The following ABCA1 variants were observed in gnomAD, a reference collection of about 807,000 sequenced individuals.
ABCA1 encodes the protein ATP binding cassette subfamily A member 1, also known as phospholipid-transporting ATPase ABCA1.
In ABCA1, 133 loss-of-function variants were observed where a neutral mutation model predicts 262.5. The observed-to-expected ratio is 0.51, with a 90% CI of 0.44 to 0.59. The LOEUF is 0.59. ABCA1 is among the 20% of genes least tolerant of loss of function. The probability of loss-of-function intolerance (pLI) is 0.00; values close to 1 mark genes in which losing one functional copy is unlikely to be tolerated. For synonymous variants in ABCA1, 1,022 were observed against 1,043.5 expected (o/e 0.98, Z 0.40); for missense variants, 2,452 against 2,777.5 (o/e 0.88, Z 2.63).
At chr9:104,785,337 G>A (rs1480136637) in intron 49 of ABCA1, 59 bp downstream of exon 49, 11 of 1,606,736 alleles carry the variant, frequency 6.8e-6, no homozygotes, top group Non-Finnish European at 7.7e-6. Flanking sequence ...ATGGGCGGGA[G>A]TGTCGGGGCA....
chr9:104,799,682 G>C, intron 36 of ABCA1, 137 bp downstream of exon 36: 1 of 1,559,480 alleles, frequency 6.4e-7, no homozygotes, highest in Non-Finnish European at 8.7e-7. Context: ...TCTGCCCAGA[G>C]CCTGGATCAA....
At chr9:104,886,758 G>A (rs1839214496) in intron 3 of ABCA1, among the ~76,000 whole-genome samples, 1 of 152,204 alleles carries the variant, frequency 6.6e-6, no homozygotes, top group Non-Finnish European at 1.5e-5. Flanking sequence ...TAGGCAGTGG[G>A]TGTACAGGAA....
At chr9:104,854,942 G>A (rs1409360715) in intron 7 of ABCA1, among the ~76,000 whole-genome samples, 1 of 152,186 alleles carries the variant, frequency 6.6e-6, no homozygotes, top group African/African-American at 2.4e-5. Flanking sequence ...CAATGCATGA[G>A]TAAGATTTTT....
intron 2 of ABCA1, among the ~76,000 whole-genome samples, chr9:104,892,483 T>G (rs1260121887): frequency 6.6e-6 from 1 of 152,000 alleles, no homozygotes; most frequent in Non-Finnish European, 1.5e-5. Context: ...TCTATGAAAA[T>G]GAACTTTTCT....
chr9:104,828,760 C>T (rs1019149459), intron 15 of ABCA1, among the ~76,000 whole-genome samples, 156 bp downstream of exon 15: 2 of 152,312 alleles, frequency 1.3e-5, no homozygotes, highest in East Asian at 1.9e-4. Flanking sequence ...CTGGGCCTCA[C>T]TTTCCCCAAC....
chr9:104,806,242 T>C lies in ABCA1; in HGVS notation c.4463A>G (p.Gln1488Arg). ...PPGAGGLPPP[Q>R]RKQNTADILQ... ...AATCACCCCCTGAAAGTGACTCACTTGTGGAGGAGGCAGCCCCCCTGCCCC... is the reference window on the plus strand; with the variant it reads ...AATCACCCCCTGAAAGTGACTCACTCGTGGAGGAGGCAGCCCCCCTGCCCC... The change falls in exon 31 of 50, where the codon CAA becomes CGA. Residue 1488 changes from glutamine (Q) to arginine (R), a missense_variant and splice_region_variant. Gln to Arg is a conservative substitution (Grantham distance 43). Transcript: ENST00000374736. 1 of 1,612,740 alleles carries C rather than the reference T, an allele frequency of 6.2e-7. No homozygotes were observed. Among genetic ancestry groups the C allele is most frequent in the Non-Finnish European group, 8.5e-7 (1 of 1,179,954 alleles).
intron 25 of ABCA1, among the ~76,000 whole-genome samples, chr9:104,814,756 GA>G (rs1313883951): frequency 2.0e-5 from 3 of 152,354 alleles, no homozygotes; most frequent in African/African-American, 7.2e-5. Context: ...AGCACTTTGG[GA>G]GGCCGAGGCG....
At position 104,792,861 on chromosome 9, in the gene ABCA1, A is replaced by G. The variant is rs779837377; in HGVS notation, c.5682T>C (p.Asp1894=). The change falls in exon 42 of 50, where the codon GAT becomes GAC. Residue 1894 remains aspartate, a synonymous_variant. Coordinates refer to ENST00000374736, the MANE Select transcript of ABCA1 (RefSeq NM_005502.4). ...GAATTCTCTGTCTTTCCCGCCTCAC[A>G]TCTTCATCTTCATCATTCAGAGGAG... ...KLSPLNDEDE[D]VRRERQRILD... 4 of 1,614,094 alleles carry G rather than the reference A, an allele frequency of 2.5e-6. No individual in the cohort carries two copies. The highest frequency in any genetic ancestry group is 1.7e-6 in the Non-Finnish European group (2 of 1,180,000).
chr9:104,817,911 G>A lies in ABCA1; in HGVS notation c.3463-507C>T, dbSNP rs1831923097. Among the ~76,000 whole-genome samples the A allele has an allele frequency of 6.6e-6, 1 of 152,180 alleles. No homozygotes were observed. The highest frequency in any genetic ancestry group is 2.4e-5 in the African/African-American group (1 of 41,434). On this transcript the variant is annotated intron_variant, in intron 23 of 49. Coordinates refer to ENST00000374736, the MANE Select transcript of ABCA1 (RefSeq NM_005502.4). The surrounding 1 kb of genome is among the most constrained non-coding windows in gnomAD (Gnocchi z 4.7). ...GAGGCTCATTAAAAGGTAAATAAGT[G>A]GATAGGAGTTTCAGGTTGGGATGTA...
At chr9:104,819,783 G>A in intron 21 of ABCA1, 60 bp from the exon 22 acceptor site, 1 of 1,613,410 alleles carries the variant, frequency 6.2e-7, no homozygotes, top group South Asian at 1.1e-5. Flanking sequence ...AGTGAAGGCA[G>A]AGGACCTAGG....
intron 37 of ABCA1, among the ~76,000 whole-genome samples, chr9:104,798,182 G>A (rs1018859420): frequency 2.0e-5 from 3 of 152,208 alleles, no homozygotes; most frequent in East Asian, 1.9e-4. Flanking sequence ...TTAAGTGGTA[G>A]TGGTATTAAT....
chr9:104,786,011 C>T (rs181784994), intron 48 of ABCA1, among the ~76,000 whole-genome samples: 1 of 152,148 alleles, frequency 6.6e-6, no homozygotes, highest in African/African-American at 2.4e-5. Context: ...AGTACTGGCA[C>T]ATGTAAATTT....
chr9:104,816,862 T>C (rs779879084), intron 24 of ABCA1, among the ~76,000 whole-genome samples: 5 of 152,116 alleles, frequency 3.3e-5, no homozygotes, highest in Non-Finnish European at 7.4e-5. Context: ...AAGCCAGCCA[T>C]TAGGACTAGG....
chr9:104,916,160 C>G lies in ABCA1; in HGVS notation c.-93+11775G>C, dbSNP rs573859911. On this transcript the variant is annotated intron_variant, in intron 1 of 49. Coordinates refer to ENST00000374736, the MANE Select transcript of ABCA1 (RefSeq NM_005502.4). The stretch of plus-strand genomic sequence containing the variant: ...GACCAAAGGCTTTCTTTCTCGTGAA[C>G]TCAAGGTTTTCACTATAATTAACAC... Among the ~76,000 whole-genome samples, 5 of 152,192 alleles carry G rather than the reference C, an allele frequency of 3.3e-5. No homozygotes were observed. In the East Asian group the frequency reaches 9.6e-4, roughly 29 times the overall value.
At chr9:104,814,561 G>T in intron 25 of ABCA1, 86 bp from the exon 26 acceptor site, 1 of 1,289,882 alleles carries the variant, frequency 7.8e-7, no homozygotes, top group Non-Finnish European at 1.1e-6. Flanking sequence ...TTACTGAGTG[G>T]CATGTTAGCC....
intron 39 of ABCA1, among the ~76,000 whole-genome samples, chr9:104,795,819 G>A (rs1364051941): frequency 6.6e-6 from 1 of 152,100 alleles, no homozygotes; most frequent in Non-Finnish European, 1.5e-5. Flanking sequence ...ATTGAAAAAA[G>A]AAAGAAGTAA....
At chr9:104,904,410 A>G (rs575575607) in intron 1 of ABCA1, among the ~76,000 whole-genome samples, 1 of 152,234 alleles carries the variant, frequency 6.6e-6, no homozygotes, top group East Asian at 1.9e-4. Context: ...TCTACTAAAA[A>G]TACAAAAATT....
At chr9:104,903,995 T>C (rs1246387038) in intron 1 of ABCA1, among the ~76,000 whole-genome samples, 1 of 152,208 alleles carries the variant, frequency 6.6e-6, no homozygotes, top group Non-Finnish European at 1.5e-5. Context: ...CTACGTGTTA[T>C]GGTCCTAATC....
chr9:104,873,453 G>A (rs975278631), intron 5 of ABCA1, among the ~76,000 whole-genome samples: 3 of 152,188 alleles, frequency 2.0e-5, no homozygotes, highest in Non-Finnish European at 4.4e-5. Flanking sequence ...GAAGTGGAGT[G>A]AATCTGGCAT....
Sources: gnomAD v4.1 joint callset for allele counts (sites outside exome capture counted in the v4.1 genomes callset) on GRCh38, gnomAD v4.1.1 for gene constraint, Gnocchi (gnomAD v3.1) non-coding constraint, MANE v1.5 for transcripts, NCBI Gene and HGNC (gene_info 2026-07-23, HGNC 2026-07-21) for gene names.